Variants in PRTG observed in about 807,000 individuals in gnomAD.
The protein encoded by PRTG is protogenin, also known as immunoglobulin superfamily, DCC subclass, member 5.
A neutral mutation model predicts 122.5 loss-of-function variants in PRTG; 67 were observed. The ratio of observed to expected loss-of-function variants is 0.55; its 90% CI spans 0.45 to 0.67. The LOEUF (loss-of-function observed/expected upper bound fraction) is 0.67, where lower values mean the gene tolerates loss of function less well. Ranked by LOEUF, PRTG falls within the 30% of genes least tolerant of loss-of-function variation. The pLI is 0.00. For synonymous variants in PRTG, 554 were observed against 501.1 expected (o/e 1.11, Z -1.41); for missense variants, 1,435 against 1,415.4 (o/e 1.01, Z -0.22).
At chr15:55,651,068 G>C (rs374616046) in intron 11 of PRTG, among the ~76,000 whole-genome samples, 3 of 152,200 alleles carry the variant, frequency 2.0e-5, no homozygotes, top group Non-Finnish European at 4.4e-5. Flanking sequence ...TCAGTTCCAA[G>C]TCTGTGCTTT....
intron 15 of PRTG, among the ~76,000 whole-genome samples, chr15:55,635,074 G>GTGTGTGTGTGTGTAT (rs1567076962): frequency 7.4e-6 from 1 of 135,338 alleles, no homozygotes; most frequent in African/African-American, 2.9e-5. Flanking sequence ...GTTGGTTCTG[G>GTGTGTGTGTGTGTAT]GTGTGTGTGT....
chr15:55,628,786 TAAGAAA>T, intron 16 of PRTG, 30 bp downstream of exon 16: 1 of 1,530,272 alleles, frequency 6.5e-7, no homozygotes, highest in Admixed American at 2.0e-5. Context: ...CTTTTTTTCT[TAAGAAA>T]AATCACAGTG....
rs376612322 is a variant in PRTG at position 55,735,453 on chromosome 15, A to C, written c.397+4929T>G. ...CTGCTTAAAAGATTTGTTGCTTCCTATTATTTTAAATTGCTCTGGACTTCA... is the reference window on the plus strand; with the variant it reads ...CTGCTTAAAAGATTTGTTGCTTCCTCTTATTTTAAATTGCTCTGGACTTCA... On this transcript the variant is annotated intron_variant, in intron 2 of 19. Transcript: ENST00000389286. Among the ~76,000 whole-genome samples the C allele has an allele frequency of 4.6e-5, 7 of 152,078 alleles. 1 individual carries two copies. In the East Asian group the frequency reaches 9.6e-4, roughly 21 times the overall value.
intron 17 of PRTG, among the ~76,000 whole-genome samples, chr15:55,625,053 CAT>C (rs1277711518): frequency 2.0e-5 from 3 of 152,074 alleles, no homozygotes; most frequent in Non-Finnish European, 4.4e-5. Context: ...AGCTACAAAA[CAT>C]ATAAACTGAA....
intron 2 of PRTG, among the ~76,000 whole-genome samples, chr15:55,693,892 G>A (rs2059618454): frequency 6.6e-6 from 1 of 152,102 alleles, no homozygotes; most frequent in Non-Finnish European, 1.5e-5. Flanking sequence ...CTCAAAGAAT[G>A]TTAAACAAAG....
intron 1 of PRTG, 109 bp from the exon 2 acceptor site, chr15:55,740,793 A>T: frequency 1.1e-6 from 1 of 920,768 alleles, no homozygotes; most frequent in Non-Finnish European, 1.6e-6. Context: ...ACGAAGTTTA[A>T]TAAATTTTAT....
intron 2 of PRTG, among the ~76,000 whole-genome samples, chr15:55,703,638 T>C (rs1334470232): frequency 6.6e-6 from 1 of 152,214 alleles, no homozygotes; most frequent in African/African-American, 2.4e-5. Flanking sequence ...TCGATAATCA[T>C]TAAATTGTCA....
intron 11 of PRTG, among the ~76,000 whole-genome samples, chr15:55,664,909 C>T (rs544110320): frequency 1.3e-5 from 2 of 152,070 alleles, no homozygotes; most frequent in East Asian, 3.9e-4. Context: ...TTCTAACTGA[C>T]ATTATCTCCT....
intron 4 of PRTG, 40 bp from the exon 5 acceptor site, chr15:55,680,668 A>C: frequency 7.9e-7 from 1 of 1,260,096 alleles, no homozygotes; most frequent in Non-Finnish European, 1.1e-6. Context: ...ATAAATTATA[A>C]ATAAGATATA....
chr15:55,739,625 G>C (rs1200809894), intron 2 of PRTG, among the ~76,000 whole-genome samples: 1 of 152,146 alleles, frequency 6.6e-6, no homozygotes, highest in Non-Finnish European at 1.5e-5. Flanking sequence ...GTGGGCATAA[G>C]GAGTTCAGTA....
chr15:55,626,959 C>T (rs376388484), intron 17 of PRTG, 49 bp downstream of exon 17: 51 of 1,525,164 alleles, frequency 3.3e-5, no homozygotes, highest in African/African-American at 3.2e-4. Flanking sequence ...CTGTGGCTAC[C>T]GTAATTTAAA....
chr15:55,706,659 AG>A (rs139374819), intron 2 of PRTG, among the ~76,000 whole-genome samples: 3,198 of 150,804 alleles, frequency 0.021, 116 homozygotes, highest in African/African-American at 0.072. Flanking sequence ...CTAGCTACTT[AG>A]GAAGTTGAGG....
intron 2 of PRTG, chr15:55,702,943 C>T (rs560152496): frequency 3.0e-5 from 30 of 984,880 alleles, no homozygotes; most frequent in Admixed American, 1.8e-4. Context: ...ATGTCAGTTC[C>T]GGGGTCCCCT....
chr15:55,663,940 C>T (rs1016073899), intron 11 of PRTG, among the ~76,000 whole-genome samples: 8 of 152,194 alleles, frequency 5.3e-5, no homozygotes, highest in African/African-American at 1.7e-4. Context: ...CATTGATATT[C>T]ATCCATGAAT....
intron 1 of PRTG, 119 bp from the exon 2 acceptor site, chr15:55,740,803 T>C: frequency 1.2e-6 from 1 of 841,848 alleles, no homozygotes; most frequent in Non-Finnish European, 1.8e-6. Flanking sequence ...ATAAATTTTA[T>C]TAGTTAACTT....
At chr15:55,631,664 A>G (rs1478826026) in intron 15 of PRTG, among the ~76,000 whole-genome samples, 1 of 152,200 alleles carries the variant, frequency 6.6e-6, no homozygotes, top group Non-Finnish European at 1.5e-5. Flanking sequence ...CAGACTAGGA[A>G]TCTTACAAGC....
rs2141895498 is a variant in PRTG at position 55,738,644 on chromosome 15, T to C, written c.397+1738A>G. 5 of 614,566 alleles carry C rather than the reference T, an allele frequency of 8.1e-6. No individual in the cohort carries two copies. In the South Asian group the frequency reaches 1.0e-4, roughly 13 times the overall value. 38.1% of individuals were successfully genotyped at this position (614,566 alleles called of 1,614,324 possible). A position where few individuals can be genotyped will look rare whatever the true frequency, so the allele number is the denominator to read the frequency against. ...CAGAATATAAGCATAAAAAGCACACTATCTTTAAAACAGTACTATACAGAA... is the reference window on the plus strand; with the variant it reads ...CAGAATATAAGCATAAAAAGCACACCATCTTTAAAACAGTACTATACAGAA... On this transcript the variant is annotated intron_variant, in intron 2 of 19. Transcript: ENST00000389286.
rs184608032 is a variant in PRTG at position 55,671,527 on chromosome 15, C to T, written c.2041+918G>A. On this transcript the variant is annotated intron_variant, in intron 11 of 19. Coordinates refer to ENST00000389286, the MANE Select transcript of PRTG (RefSeq NM_173814.6). The stretch of plus-strand genomic sequence containing the variant: ...TTCTTTTTTTTGAGACAGAATCTCG[C>T]ACTGTCGCCCAGGCTGGAGCGTAGT... 1.2e-4 allele frequency among the ~76,000 whole-genome samples: 18 copies of T among 152,172 alleles called. No individual in the cohort carries two copies. In the Middle Eastern group the frequency reaches 0.01, roughly 86 times the overall value.
Position 55,628,982 on chromosome 15 carries a change from T to C in PRTG, c.2646A>G (p.Leu882=), listed in dbSNP as rs2059210663. ...HREGAITMAL[L]ENLVAGNVYI... Reference sequence around the variant, plus strand: ...ACACATTTCCTGCTACCAAGTTTTCTAGCAAAGCCATGGTTATTGCCCCTA... The same window carrying C: ...ACACATTTCCTGCTACCAAGTTTTCCAGCAAAGCCATGGTTATTGCCCCTA... Residue 882 remains leucine (L), a synonymous_variant, in exon 16 of 20, where the codon CTA becomes CTG. Coordinates refer to ENST00000389286, the MANE Select transcript of PRTG (RefSeq NM_173814.6). 1 of 1,611,942 alleles carries C rather than the reference T, an allele frequency of 6.2e-7. No individual in the cohort carries two copies. The highest frequency in any genetic ancestry group is 8.5e-7 in the Non-Finnish European group (1 of 1,178,568).
Sources: gnomAD v4.1 joint callset for allele counts (sites outside exome capture counted in the v4.1 genomes callset) on GRCh38, gnomAD v4.1.1 for gene constraint, MANE v1.5 for transcripts, NCBI Gene and HGNC (gene_info 2026-07-23, HGNC 2026-07-21) for gene names.